DISC1: variants seen among roughly 807,000 people sequenced by gnomAD.
DISC1 encodes the protein DISC1 scaffold protein.
DISC1 carries 57 observed loss-of-function variants against 84.5 expected under a neutral mutation model. The observed-to-expected ratio is 0.67, with a 90% CI of 0.55 to 0.84. The LOEUF (loss-of-function observed/expected upper bound fraction) is 0.84. DISC1 is among the 40% of genes least tolerant of loss of function. The pLI is 0.00. For missense variants in DISC1, 1,000 were observed against 1,057.8 expected, an observed-to-expected ratio of 0.95 and a Z score of 0.76; for synonymous variants, 411 against 415.2, an observed-to-expected ratio of 0.99 and a Z score of 0.12.
chr1:231,867,952 T>C (rs549553313), intron 9 of DISC1, among the ~76,000 whole-genome samples: 2 of 152,348 alleles, frequency 1.3e-5, no homozygotes, highest in South Asian at 4.1e-4. Flanking sequence ...AAGCTGCCAC[T>C]GTCCCCTTAG....
chr1:232,004,635 T>C (rs1356757759), intron 10 of DISC1, among the ~76,000 whole-genome samples: 1 of 152,078 alleles, frequency 6.6e-6, no homozygotes, highest in Non-Finnish European at 1.5e-5. Context: ...AGGCAATGAA[T>C]ATGAAAAGAT....
In DISC1 at chr1:232,009,164, C is replaced by T; in HGVS notation, c.2307+115C>T. 6.7e-7 allele frequency: 1 copy of T among 1,490,808 alleles called. No individual in the cohort carries two copies. The highest frequency in any genetic ancestry group is 1.4e-5 in the South Asian group (1 of 72,872). The allele number at this position is 1,490,808 out of a possible 1,614,324, so 92.3% of individuals were successfully genotyped here. A position where few individuals can be genotyped will look rare whatever the true frequency, so the allele number is the denominator to read the frequency against. On this transcript the variant is annotated intron_variant, in intron 11 of 12. Transcript: ENST00000439617. The surrounding 1 kb of genome is among the most constrained non-coding windows in gnomAD (Gnocchi z 4.6). ...GAAGGCTTCCCATTGAGCATATAAA[C>T]TTTTAAAAGTTTCAATAACTCTTGA...
At chr1:231,807,263 C>G (rs1429173818) in intron 8 of DISC1, among the ~76,000 whole-genome samples, 3 of 152,252 alleles carry the variant, frequency 2.0e-5, no homozygotes, top group Non-Finnish European at 4.4e-5. Context: ...TGGCCACTCC[C>G]TTGTCCTGGG....
chr1:231,929,397 C>T (rs772557310), intron 9 of DISC1, among the ~76,000 whole-genome samples: 1 of 152,196 alleles, frequency 6.6e-6, no homozygotes, highest in South Asian at 2.1e-4. Flanking sequence ...TCACAATACA[C>T]AATCTCACAG....
intron 9 of DISC1, among the ~76,000 whole-genome samples, chr1:231,867,458 T>C (rs1379250820): frequency 6.6e-6 from 1 of 151,996 alleles, no homozygotes; most frequent in Non-Finnish European, 1.5e-5. Flanking sequence ...AAAATAATAA[T>C]AATAGAGGGA....
Position 232,031,231 on chromosome 1 carries a change from G to A in DISC1, c.2425+4679G>A, listed in dbSNP as rs375498087. On this transcript the variant is annotated intron_variant, in intron 12 of 12. Coordinates refer to ENST00000439617, the MANE Select transcript of DISC1 (RefSeq NM_018662.3). The surrounding 1 kb of genome is among the most constrained non-coding windows in gnomAD (Gnocchi z 4.6). The stretch of plus-strand genomic sequence containing the variant: ...GAAGGAAGGAAGGGAGAAAGAGAGA[G>A]AGAAAGAGAGGAAGGAAGGAAGGAG... 7.2e-6 allele frequency among the ~76,000 whole-genome samples: 1 copy of A among 139,638 alleles called. No homozygotes were observed. Among genetic ancestry groups the A allele is most frequent in the Non-Finnish European group, 1.6e-5 (1 of 63,444 alleles). 91.6% of individuals were successfully genotyped at this position (139,638 alleles called of 152,430 possible).
chr1:231,851,146 T>G (rs2083868916), intron 9 of DISC1, among the ~76,000 whole-genome samples: 1 of 152,214 alleles, frequency 6.6e-6, no homozygotes, highest in East Asian at 1.9e-4. Flanking sequence ...TGTTAGTTGT[T>G]GTTACCATAA....
chr1:231,938,490 A>G (rs756308089), intron 9 of DISC1, among the ~76,000 whole-genome samples: 8 of 152,162 alleles, frequency 5.3e-5, no homozygotes, highest in Non-Finnish European at 1.0e-4. Flanking sequence ...GGCCACAGGA[A>G]ACTGGATTCT....
At chr1:231,809,148 A>C (rs907179841) in intron 8 of DISC1, among the ~76,000 whole-genome samples, 4 of 152,322 alleles carry the variant, frequency 2.6e-5, no homozygotes, top group African/African-American at 9.6e-5. Context: ...GATGTCTCTC[A>C]GTTTTTATCT....
intron 10 of DISC1, among the ~76,000 whole-genome samples, chr1:232,003,586 A>G (rs1045817974): frequency 6.6e-6 from 1 of 152,138 alleles, no homozygotes; most frequent in Non-Finnish European, 1.5e-5. Flanking sequence ...ATATATAAAG[A>G]TTTTAATAAC....
chr1:231,762,141 C>A (rs2075727045), intron 4 of DISC1, among the ~76,000 whole-genome samples: 1 of 127,772 alleles, frequency 7.8e-6, no homozygotes, highest in African/African-American at 2.9e-5. Context: ...TTCTTTCTTT[C>A]TTTCCTTCTT....
intron 1 of DISC1, among the ~76,000 whole-genome samples, chr1:231,688,266 C>T (rs547096233): frequency 1.3e-5 from 2 of 151,926 alleles, no homozygotes; most frequent in African/African-American, 2.4e-5. Flanking sequence ...TGGACAATGG[C>T]GTGTGGGTTT....
intron 3 of DISC1, among the ~76,000 whole-genome samples, chr1:231,709,801 T>G (rs1426196175): frequency 6.6e-6 from 1 of 152,198 alleles, no homozygotes; most frequent in East Asian, 1.9e-4. Context: ...TTATTCACGT[T>G]TTATGCATCT....
chr1:231,735,792 A>C (rs1210194840), intron 3 of DISC1, among the ~76,000 whole-genome samples: 1 of 152,144 alleles, frequency 6.6e-6, no homozygotes, highest in Non-Finnish European at 1.5e-5. Context: ...CCTCATCCAA[A>C]CTGTAACACT....
At chr1:231,910,166 C>T (rs2089071442) in intron 9 of DISC1, among the ~76,000 whole-genome samples, 1 of 152,044 alleles carries the variant, frequency 6.6e-6, no homozygotes, top group Admixed American at 6.6e-5. Context: ...TTTTTTGTCT[C>T]TATCTCCTTC....
intron 7 of DISC1, 116 bp downstream of exon 7, chr1:231,795,412 C>T: frequency 1.1e-6 from 1 of 927,050 alleles, no homozygotes; most frequent in South Asian, 1.5e-5. Context: ...TAGACTTTGT[C>T]AAGCCATTTT....
At position 231,694,277 on chromosome 1, in the gene DISC1, A is replaced by G. The variant is rs1467229857; in HGVS notation, c.519A>G (p.Ala173=). 6.2e-7 allele frequency: 1 copy of G among 1,614,252 alleles called. No individual in the cohort carries two copies. The highest frequency in any genetic ancestry group is 8.5e-7 in the Non-Finnish European group (1 of 1,180,034). The part of the protein sequence containing the change: ...ACSDGARRVR[A]AGSLPSAELS... ...GCGATGGAGCAAGGCGTGTCCGGGC[A>G]GCAGGCTCTCTGCCATCAGCAGAGT... The change falls in exon 2 of 13, where the codon GCA becomes GCG. Residue 173 remains alanine, a synonymous_variant. Coordinates refer to ENST00000439617, the MANE Select transcript of DISC1 (RefSeq NM_018662.3).
At chr1:231,790,047 C>G (rs1225029510) in intron 6 of DISC1, among the ~76,000 whole-genome samples, 1 of 152,116 alleles carries the variant, frequency 6.6e-6, no homozygotes, top group Non-Finnish European at 1.5e-5. Context: ...AGCTCCTAAA[C>G]TATAGACAAG....
chr1:231,776,993 A>C (rs1450898870), intron 6 of DISC1, among the ~76,000 whole-genome samples: 1 of 152,184 alleles, frequency 6.6e-6, no homozygotes, highest in Non-Finnish European at 1.5e-5. Context: ...ATATCCCTGC[A>C]GCATATCAGC....
Sources: gnomAD v4.1 joint callset for allele counts (sites outside exome capture counted in the v4.1 genomes callset) on GRCh38, gnomAD v4.1.1 for gene constraint, Gnocchi (gnomAD v3.1) non-coding constraint, MANE v1.5 for transcripts, NCBI Gene and HGNC (gene_info 2026-07-23, HGNC 2026-07-21) for gene names.